Variants in TGM4 observed in about 807,000 individuals in gnomAD.
The protein encoded by TGM4 is protein-glutamine gamma-glutamyltransferase 4.
In TGM4, 61 loss-of-function variants were observed where a neutral mutation model predicts 76.3. The observed-to-expected ratio is 0.80, with a 90% CI of 0.65 to 0.99. The LOEUF is 0.99. Among genes scored for constraint, TGM4 ranks in the 50% least tolerant of loss-of-function variants. The probability of loss-of-function intolerance (pLI) is 0.00; values close to 1 mark genes in which losing one functional copy is unlikely to be tolerated. For synonymous variants in TGM4, 337 were observed against 329.8 expected (o/e 1.02, Z -0.24); for missense variants, 794 against 843.2 (o/e 0.94, Z 0.72).
intron 4 of TGM4, among the ~76,000 whole-genome samples, chr3:44,891,512 TACACACACACAC>T (rs9311363): frequency 4.1e-5 from 6 of 148,016 alleles, no homozygotes; most frequent in Non-Finnish European, 9.0e-5. Context: ...CTCCCTCCTC[TACACACACACAC>T]ACACACACAC....
At chr3:44,895,893 A>G (rs541482526) in intron 5 of TGM4, among the ~76,000 whole-genome samples, 7 of 152,316 alleles carry the variant, frequency 4.6e-5, no homozygotes, top group African/African-American at 1.7e-4. Context: ...CTTACAGTAA[A>G]TAGAATTTCA....
chr3:44,888,071 G>T, intron 3 of TGM4: 1 of 405,136 alleles, frequency 2.5e-6, no homozygotes, highest in South Asian at 4.0e-5. Context: ...TGAGCGGAGA[G>T]AAGTACATAA....
intron 3 of TGM4, among the ~76,000 whole-genome samples, chr3:44,890,115 C>T (rs1699668954): frequency 2.0e-5 from 3 of 152,160 alleles, no homozygotes. Context: ...ATCATGAGAA[C>T]AGCATGGGGG....
intron 3 of TGM4, chr3:44,888,004 C>T: frequency 1.8e-6 from 1 of 565,996 alleles, no homozygotes; most frequent in South Asian, 2.2e-5. Flanking sequence ...GGCCAAACCT[C>T]CTACATGTCA....
intron 6 of TGM4, chr3:44,899,765 G>C (rs1402181066): frequency 6.6e-6 from 1 of 152,324 alleles, no homozygotes; most frequent in African/African-American, 2.4e-5. Context: ...GTGTGGTTTA[G>C]CTGAATGTTC....
chr3:44,906,927 A>T lies in TGM4; in HGVS notation c.1076-22A>T, dbSNP rs1364893630. The T allele has an allele frequency of 1.9e-6, 3 of 1,608,688 alleles. No homozygotes were observed. The East Asian group carries it at 6.7e-5, about 36-fold the overall frequency. Reference sequence around the variant, plus strand: ...GGGCTGGGGAACCCCACTGAGAGTGACCACCCCTGGCTTCCCCTCAGGTGT... The same window carrying T: ...GGGCTGGGGAACCCCACTGAGAGTGTCCACCCCTGGCTTCCCCTCAGGTGT... On this transcript the variant is annotated intron_variant, in intron 9 of 13. Coordinates refer to ENST00000296125, the MANE Select transcript of TGM4 (RefSeq NM_003241.4).
At chr3:44,903,663 T>C in intron 8 of TGM4, 3 of 563,986 alleles carry the variant, frequency 5.3e-6, no homozygotes, top group Non-Finnish European at 9.6e-6. Context: ...CCCCCAGCCC[T>C]GCCCCCTGCA....
chr3:44,904,012 G>A, intron 9 of TGM4, 25 bp downstream of exon 9: 3 of 1,595,382 alleles, frequency 1.9e-6, no homozygotes, highest in Non-Finnish European at 2.6e-6. Flanking sequence ...GGAAGGCGCT[G>A]GGCATCCATG....
rs200796463 is a variant in TGM4 at position 44,910,321 on chromosome 3, T to C, written c.1559T>C (p.Met520Thr). The change falls in exon 11 of 14, where the codon ATG (methionine) becomes ACG (threonine). Residue 520 changes from methionine to threonine, a missense_variant. Physicochemically the swap from Met to Thr is moderately conservative, Grantham distance 81. Transcript: ENST00000296125. ...CTACAGTTGTACACTGGCAAGAAGATGGCAAAACTGTGTGACCTCAATAAG... is the reference window on the plus strand; with the variant it reads ...CTACAGTTGTACACTGGCAAGAAGACGGCAAAACTGTGTGACCTCAATAAG... The part of the protein sequence containing the change: ...FELQLYTGKK[M>T]AKLCDLNKTS... The C allele has an allele frequency of 1.2e-6, 2 of 1,614,170 alleles. No homozygotes were observed. The highest frequency in any genetic ancestry group is 1.7e-5 in the Admixed American group (1 of 60,022).
intron 5 of TGM4, among the ~76,000 whole-genome samples, chr3:44,894,666 A>G (rs1367730653): frequency 2.0e-5 from 3 of 151,440 alleles, no homozygotes; most frequent in African/African-American, 7.3e-5. Context: ...AGATTTGACA[A>G]CAAAAAACTC....
At chr3:44,908,136 C>T (rs1041486691) in intron 10 of TGM4, among the ~76,000 whole-genome samples, 1 of 152,154 alleles carries the variant, frequency 6.6e-6, no homozygotes, top group African/African-American at 2.4e-5. Flanking sequence ...GGTAGGCCTG[C>T]AGTAAATATT....
intron 4 of TGM4, among the ~76,000 whole-genome samples, chr3:44,891,968 A>C (rs1016780983): frequency 2.7e-5 from 4 of 149,616 alleles, no homozygotes; most frequent in African/African-American, 9.9e-5. Flanking sequence ...AAAAGGAAAA[A>C]AAAAAATAGG....
In TGM4 at chr3:44,910,077, G is replaced by A. The variant is rs762575606; in HGVS notation, c.1328-13G>A. 8.1e-6 allele frequency: 13 copies of A among 1,609,232 alleles called. No homozygotes were observed. Among genetic ancestry groups the A allele is most frequent in the African/African-American group, 1.3e-5 (1 of 74,718 alleles). ...GGAGCACCTGAAGGAAGCTGCCTTT[G>A]TGTCTCTTTCAGGCTCCTCTGAGGA... On this transcript the variant is annotated splice_polypyrimidine_tract_variant and intron_variant, in intron 10 of 13. Transcript: ENST00000296125.
intron 3 of TGM4, among the ~76,000 whole-genome samples, chr3:44,889,840 G>A (rs1015705638): frequency 2.6e-5 from 4 of 152,062 alleles, no homozygotes; most frequent in African/African-American, 9.7e-5. Context: ...TTCCCCTGAA[G>A]TTCCAGACAC....
intron 6 of TGM4, among the ~76,000 whole-genome samples, chr3:44,899,948 A>C (rs1402844700): frequency 6.6e-6 from 1 of 152,196 alleles, no homozygotes; most frequent in Non-Finnish European, 1.5e-5. Context: ...TTCAGAAGTG[A>C]CAGCCATCAC....
At chr3:44,911,882 C>T (rs1208615806) in intron 13 of TGM4, among the ~76,000 whole-genome samples, 1 of 152,168 alleles carries the variant, frequency 6.6e-6, no homozygotes, top group Non-Finnish European at 1.5e-5. Flanking sequence ...GGCTGGAGTG[C>T]AGTGACACGA....
At chr3:44,880,567 T>C (rs1575710054) in intron 1 of TGM4, among the ~76,000 whole-genome samples, 1 of 152,192 alleles carries the variant, frequency 6.6e-6, no homozygotes, top group African/African-American at 2.4e-5. Context: ...TGATTTCTTG[T>C]GGCAAAAAGT....
intron 8 of TGM4, among the ~76,000 whole-genome samples, chr3:44,903,309 A>G (rs1331992107): frequency 6.6e-6 from 1 of 152,228 alleles, no homozygotes; most frequent in Non-Finnish European, 1.5e-5. Context: ...TTGTCTACCT[A>G]GAAAACCAAG....
chr3:44,887,293 C>G (rs1699620765), intron 2 of TGM4, among the ~76,000 whole-genome samples: 1 of 152,214 alleles, frequency 6.6e-6, no homozygotes, highest in Non-Finnish European at 1.5e-5. Flanking sequence ...TCTGCCTCCT[C>G]CAGACGAGGA....
Sources: gnomAD v4.1 joint callset for allele counts (sites outside exome capture counted in the v4.1 genomes callset) on GRCh38, gnomAD v4.1.1 for gene constraint, MANE v1.5 for transcripts, NCBI Gene and HGNC (gene_info 2026-07-23, HGNC 2026-07-21) for gene names.